The following LDHAL6A variants were observed in gnomAD, a reference collection of about 807,000 sequenced individuals.
LDHAL6A encodes the protein lactate dehydrogenase A like 6A, also known as L-lactate dehydrogenase A-like 6A.
Under a neutral mutation model 28.2 loss-of-function variants are expected in LDHAL6A, and 19 were observed. The ratio of observed to expected loss-of-function variants is 0.67; its 90% CI spans 0.47 to 0.99. The LOEUF is 0.99. LDHAL6A is among the 50% of genes least tolerant of loss of function. The pLI is 0.00. For missense variants in LDHAL6A, 372 were observed against 398.6 expected, an observed-to-expected ratio of 0.93 and a Z score of 0.57; for synonymous variants, 144 against 134.4, an observed-to-expected ratio of 1.07 and a Z score of -0.49.
In LDHAL6A at chr11:18,477,633, G is replaced by A; in HGVS notation, c.724G>A (p.Val242Ile). 1 of 1,608,678 alleles carries A rather than the reference G, an allele frequency of 6.2e-7. No individual in the cohort carries two copies. The highest frequency in any genetic ancestry group is 8.5e-7 in the Non-Finnish European group (1 of 1,178,762). Reference protein sequence around the residue: ...KKVISSGYEMVKMKGYTSWGI... With the variant: ...KKVISSGYEMIKMKGYTSWGI... ...TTCTATCTACAGTGGCTATGAGATGGTCAAAATGAAAGGTTATACTTCTTG... is the reference window on the plus strand; with the variant it reads ...TTCTATCTACAGTGGCTATGAGATGATCAAAATGAAAGGTTATACTTCTTG... The change falls in exon 6 of 7, where the codon GTC becomes ATC. Residue 242 changes from valine (V) to isoleucine (I), a missense_variant. Physicochemically the swap from Val to Ile is conservative, Grantham distance 29. Coordinates refer to ENST00000280706, the MANE Select transcript of LDHAL6A (RefSeq NM_144972.5).
At chr11:18,463,850 G>T in intron 1 of LDHAL6A, 111 bp from the exon 2 acceptor site, 1 of 692,906 alleles carries the variant, frequency 1.4e-6, no homozygotes, top group Non-Finnish European at 2.6e-6. Flanking sequence ...TGTTTCCTTT[G>T]ATTTTGATAA....
At chr11:18,462,654 A>C (rs1420391884) in intron 1 of LDHAL6A, among the ~76,000 whole-genome samples, 1 of 60,000 alleles carries the variant, frequency 1.7e-5, no homozygotes, top group Non-Finnish European at 3.5e-5. Flanking sequence ...AAACAAACAA[A>C]CAAAAAAAAA....
intron 5 of LDHAL6A, among the ~76,000 whole-genome samples, chr11:18,476,896 T>C (rs1260248309): frequency 3.3e-5 from 5 of 151,378 alleles, no homozygotes; most frequent in African/African-American, 7.3e-5. Context: ...TCCCAGCACT[T>C]TGGGAAGCTG....
At chr11:18,470,553 C>T (rs1297449388) in intron 3 of LDHAL6A, among the ~76,000 whole-genome samples, 2 of 152,182 alleles carry the variant, frequency 1.3e-5, no homozygotes, top group African/African-American at 4.8e-5. Flanking sequence ...ATCTCCCTTT[C>T]AAGGATGTGC....
At position 18,476,388 on chromosome 11, in the gene LDHAL6A, T is replaced by A; in HGVS notation, c.597T>A (p.Pro199=). The stretch of plus-strand genomic sequence containing the variant: ...TTTTGGGTGTCTCTTTCTTAGTTCC[T>A]GTGTGGAGTGGTGTGAACATTGCTG... ...ILGEHGDSSV[P]VWSGVNIAGV... Residue 199 remains proline, a synonymous_variant, in exon 5 of 7, where the codon CCT becomes CCA. Transcript: ENST00000280706. The A allele has an allele frequency of 6.2e-7, 1 of 1,612,196 alleles. No homozygotes were observed. Among genetic ancestry groups the A allele is most frequent in the Admixed American group, 1.7e-5 (1 of 59,546 alleles).
chr11:18,469,436 C>T (rs1191586236), intron 3 of LDHAL6A, among the ~76,000 whole-genome samples: 2 of 152,198 alleles, frequency 1.3e-5, no homozygotes, highest in Non-Finnish European at 2.9e-5. Context: ...GCAAAAGATG[C>T]TTCTCTATGC....
chr11:18,479,560 GTAATC>G lies in LDHAL6A; in HGVS notation c.*694_*698del, dbSNP rs993199001. On this transcript the variant is annotated 3_prime_UTR_variant, in exon 7 of 7. Transcript: ENST00000280706. Reference sequence around the variant, plus strand: ...ATATATATACACACACACACAGAGAGTAATCTAAATGTTCCTAACACTAGATAAAA... The same window carrying G: ...ATATATATACACACACACACAGAGAGTAAATGTTCCTAACACTAGATAAAA... 14 of 151,962 alleles carry G rather than the reference GTAATC, an allele frequency of 9.2e-5. No homozygotes were observed. The East Asian group carries it at 1.7e-3, about 19-fold the overall frequency. The allele number at this position is 151,962 out of a possible 1,614,324, so 9.4% of individuals were successfully genotyped here.
At chr11:18,465,551 GT>G (rs1321537197) in intron 2 of LDHAL6A, 85 bp from the exon 3 acceptor site, 38 of 1,095,112 alleles carry the variant, frequency 3.5e-5, no homozygotes, top group Non-Finnish European at 4.9e-5. Flanking sequence ...GGTAAACATA[GT>G]GTGGTGATTG....
At chr11:18,478,597 G>A in intron 6 of LDHAL6A, 109 bp from the exon 7 acceptor site, 1 of 855,708 alleles carries the variant, frequency 1.2e-6, no homozygotes, top group South Asian at 1.5e-5. Context: ...TTGGTACTCT[G>A]CCATAGTTCG....
At position 18,456,449 on chromosome 11, in the gene LDHAL6A, C is replaced by T; in HGVS notation, c.-232C>T. 2 of 504,642 alleles carry T rather than the reference C, an allele frequency of 4.0e-6. No homozygotes were observed. The highest frequency in any genetic ancestry group is 7.0e-6 in the Non-Finnish European group (2 of 284,564). The allele number at this position is 504,642 out of a possible 1,614,324, so 31.3% of individuals were successfully genotyped here. The stretch of plus-strand genomic sequence containing the variant: ...TTCCTCTTAACTGTACTCACGCTTC[C>T]TTCTCCTTCCCCTGGTCCGCTTCAT... On this transcript the variant is annotated 5_prime_UTR_variant, in exon 1 of 7. Transcript: ENST00000280706.
At chr11:18,467,992 C>CAT (rs372358498) in intron 3 of LDHAL6A, among the ~76,000 whole-genome samples, 15,753 of 49,658 alleles carry the variant, frequency 0.32, 3,626 homozygotes, top group East Asian at 0.39. Flanking sequence ...TATATATATG[C>CAT]ATATATATAC....
chr11:18,466,618 C>T (rs921297280), intron 3 of LDHAL6A, among the ~76,000 whole-genome samples: 1 of 145,088 alleles, frequency 6.9e-6, no homozygotes, highest in East Asian at 2.0e-4. Context: ...TGCGCCACTG[C>T]ACTCCAGCCT....
chr11:18,462,585 C>T (rs1440367208), intron 1 of LDHAL6A, among the ~76,000 whole-genome samples: 3 of 147,340 alleles, frequency 2.0e-5, no homozygotes, highest in Admixed American at 6.9e-5. Context: ...TGCAGTGAGC[C>T]GAGATCACGC....
At chr11:18,478,618 A>G in intron 6 of LDHAL6A, 88 bp from the exon 7 acceptor site, 1 of 1,046,606 alleles carries the variant, frequency 9.6e-7, no homozygotes, top group South Asian at 1.3e-5. Context: ...TACTATACCA[A>G]TCTGTTATTC....
At chr11:18,478,613 T>C in intron 6 of LDHAL6A, 93 bp from the exon 7 acceptor site, 1 of 999,896 alleles carries the variant, frequency 1.0e-6, no homozygotes, top group Non-Finnish European at 1.5e-6. Flanking sequence ...GTTCGTACTA[T>C]ACCAATCTGT....
chr11:18,478,566 A>T (rs1849451683), intron 6 of LDHAL6A, 140 bp from the exon 7 acceptor site: 1 of 645,276 alleles, frequency 1.5e-6, no homozygotes, highest in South Asian at 2.0e-5. Flanking sequence ...TCTCAAAAAA[A>T]AAAGAAAAAA....
chr11:18,460,004 T>G (rs974229718), intron 1 of LDHAL6A, among the ~76,000 whole-genome samples: 1 of 152,238 alleles, frequency 6.6e-6, no homozygotes, highest in Admixed American at 6.5e-5. Flanking sequence ...ACTGTCATGA[T>G]TTATCAGTGT....
chr11:18,465,982 C>T (rs1422956286), intron 3 of LDHAL6A, among the ~76,000 whole-genome samples, 172 bp downstream of exon 3: 4 of 152,154 alleles, frequency 2.6e-5, no homozygotes, highest in Non-Finnish European at 5.9e-5. Context: ...TCACTCCCTC[C>T]CTCTCTAGTA....
intron 1 of LDHAL6A, among the ~76,000 whole-genome samples, chr11:18,462,666 A>AC (rs1491538577): frequency 1.7e-5 from 2 of 114,644 alleles, no homozygotes; most frequent in Non-Finnish European, 3.5e-5. Context: ...AAAAAAAAAA[A>AC]CAAAAAAAAC....
Sources: allele counts gnomAD v4.1 joint callset (sites outside exome capture counted in the v4.1 genomes callset), GRCh38; gene constraint gnomAD v4.1.1; transcripts MANE v1.5; gene names NCBI Gene and HGNC (gene_info 2026-07-23, HGNC 2026-07-21).